The following LRIT1 variants were observed in gnomAD, a reference collection of about 807,000 sequenced individuals.
LRIT1 encodes leucine rich repeat, Ig-like and transmembrane domains 1, also known as leucine-rich repeat, immunoglobulin-like domain and transmembrane domain-containing protein 1.
Under a neutral mutation model 24.0 loss-of-function variants are expected in LRIT1, and 23 were observed. The observed-to-expected ratio is 0.96, with a 90% confidence interval of 0.69 to 1.36. The LOEUF is 1.36. Among genes scored for constraint, LRIT1 ranks in the 40% most tolerant of loss-of-function variants. LRIT1 has a pLI of 0.00. For synonymous variants in LRIT1, 361 were observed against 340.5 expected (o/e 1.06, Z -0.66); for missense variants, 846 against 806.3 (o/e 1.05, Z -0.60).
Position 84,241,339 on chromosome 10 carries a change from A to T in LRIT1, c.101T>A (p.Met34Lys), listed in dbSNP as rs147135125. The change falls in exon 1 of 4, where the codon ATG becomes AAG. Residue 34 changes from methionine to lysine, a missense_variant. Physicochemically the swap from Met to Lys is moderately conservative, Grantham distance 95. Transcript: ENST00000372105. ...PSQCSCSLHIMGDGSKARTVV... is the reference protein window; with the variant it reads ...PSQCSCSLHIKGDGSKARTVV... ...ATACCTGGCCTTGCTGCCATCACCC[A>T]TGATATGGAGGCTGCAGCTGCATTG... 10 of 1,613,760 alleles carry T rather than the reference A, an allele frequency of 6.2e-6. No homozygotes were observed. Among genetic ancestry groups the T allele is most frequent in the Non-Finnish European group, 8.5e-6 (10 of 1,179,894 alleles).
chr10:84,234,613 T>C (rs1333883464), intron 2 of LRIT1, among the ~76,000 whole-genome samples: 1 of 152,214 alleles, frequency 6.6e-6, no homozygotes, highest in Non-Finnish European at 1.5e-5. Flanking sequence ...AAATAAATCA[T>C]ATTAAGTACC....
Position 84,232,381 on chromosome 10 carries a change from C to T in LRIT1, c.1418G>A (p.Arg473Gln), listed in dbSNP as rs762407963. The T allele has an allele frequency of 1.9e-5, 31 of 1,613,924 alleles. No individual in the cohort carries two copies. Among genetic ancestry groups the T allele is most frequent in the South Asian group, 1.2e-4 (11 of 91,040 alleles). The change falls in exon 4 of 4, where the codon CGG (arginine) becomes CAG (glutamine). Residue 473 changes from arginine (R) to glutamine (Q), a missense_variant. Physicochemically the swap from Arg to Gln is conservative, Grantham distance 43 (BLOSUM62 1). Transcript: ENST00000372105. Reference protein sequence around the residue: ...YAVFGQHSMRRVIVQPGKTRV... With the variant: ...YAVFGQHSMRQVIVQPGKTRV... ...GGTCTTCCCAGGCTGCACAATCACC[C>T]GCCGCATGCTGTGCTGCCCAAAGAC...
At chr10:84,235,039 G>T (rs1842636707) in intron 2 of LRIT1, among the ~76,000 whole-genome samples, 1 of 151,924 alleles carries the variant, frequency 6.6e-6, no homozygotes, top group Non-Finnish European at 1.5e-5. Context: ...ATAAATGAGG[G>T]GTACTATGTG....
chr10:84,237,080 C>T (rs923221323), intron 2 of LRIT1, 140 bp downstream of exon 2: 6 of 709,160 alleles, frequency 8.5e-6, no homozygotes, highest in Non-Finnish European at 1.4e-5. Flanking sequence ...GATTGAGCTC[C>T]TAAACCCGCC....
At position 84,237,407 on chromosome 10, in the gene LRIT1, C is replaced by A. The variant is rs753007660; in HGVS notation, c.402G>T (p.Arg134=). 13 of 1,547,290 alleles carry A rather than the reference C, an allele frequency of 8.4e-6. No individual in the cohort carries two copies. In the East Asian group the frequency reaches 2.9e-4, roughly 35 times the overall value. The change falls in exon 2 of 4, where the codon CGG becomes CGT. Residue 134 remains arginine, a synonymous_variant. Transcript: ENST00000372105. ...WAALRDAPKL[R]LLDLQANRLS... ...GGCGGTTGGCCTGCAGGTCCAGCAG[C>A]CGCAGCTTGGGGGCGTCCCTGAGCG...
At chr10:84,237,838 C>A in intron 1 of LRIT1, 152 bp from the exon 2 acceptor site, 1 of 620,466 alleles carries the variant, frequency 1.6e-6, no homozygotes, top group Non-Finnish European at 2.8e-6. Flanking sequence ...GGAGAGGGGC[C>A]CGGAGTAAGC....
intron 3 of LRIT1, among the ~76,000 whole-genome samples, chr10:84,233,358 G>A (rs974666375): frequency 1.5e-4 from 23 of 149,972 alleles, no homozygotes; most frequent in African/African-American, 2.9e-4. Context: ...TTTTTTTTGC[G>A]ACAAGGTCTC....
intron 2 of LRIT1, among the ~76,000 whole-genome samples, chr10:84,235,516 TGACAA>T (rs1043523528): frequency 2.6e-5 from 4 of 152,238 alleles, no homozygotes; most frequent in Non-Finnish European, 5.9e-5. Flanking sequence ...CTTGCCAGAC[TGACAA>T]AAGTTAAACA....
chr10:84,231,898 C>CAGG lies in LRIT1; in HGVS notation c.*26_*28dup. The CAGG allele has an allele frequency of 5.7e-6, 9 of 1,574,998 alleles. No homozygotes were observed. Among genetic ancestry groups the CAGG allele is most frequent in the Non-Finnish European group, 7.8e-6 (9 of 1,159,784 alleles). The stretch of plus-strand genomic sequence containing the variant: ...GAGCTAAAGAAGGAGCGTGGGCAGG[C>CAGG]AGGTGTGTGAGTTGCGGAGGCATAT... On this transcript the variant is annotated 3_prime_UTR_variant, in exon 4 of 4. Coordinates refer to ENST00000372105, the MANE Select transcript of LRIT1 (RefSeq NM_015613.3).
chr10:84,232,183 A>G lies in LRIT1; in HGVS notation c.1616T>C (p.Ile539Thr). ...GACAAGCAGCGTGAGAGGCAGGGCA[A>G]TGACGATGGCCACACTGATCACCAC... ...NVVVISVAIV[I>T]ALPLTLLVCC... Residue 539 changes from isoleucine (I) to threonine (T), a missense_variant, in exon 4 of 4, where the codon ATT becomes ACT. By Grantham distance (89) the Ile-to-Thr change is moderately conservative (BLOSUM62 -1). Transcript: ENST00000372105. The G allele has an allele frequency of 6.2e-7, 1 of 1,614,218 alleles. No homozygotes were observed. Among genetic ancestry groups the G allele is most frequent in the Non-Finnish European group, 8.5e-7 (1 of 1,180,030 alleles).
Position 84,237,378 on chromosome 10 carries a change from G to T in LRIT1, c.431C>A (p.Ser144Ter). The T allele has an allele frequency of 5.2e-6, 8 of 1,549,248 alleles. No homozygotes were observed. The highest frequency in any genetic ancestry group is 7.0e-6 in the Non-Finnish European group (8 of 1,146,898). The change falls in exon 2 of 4, where the codon TCG (serine) becomes TAG (stop). Residue 144 changes from serine (S) to a stop codon, truncating the protein, a stop_gained. Coordinates refer to ENST00000372105, the MANE Select transcript of LRIT1 (RefSeq NM_015613.3). LOFTEE classifies it high-confidence loss of function. The part of the protein sequence containing the change: ...RLLDLQANRL[S>*]AVPAEAARFL... Reference sequence around the variant, plus strand: ...GCGCGCGGCCTCAGCGGGCACAGCCGAGAGGCGGTTGGCCTGCAGGTCCAG... The same window carrying T: ...GCGCGCGGCCTCAGCGGGCACAGCCTAGAGGCGGTTGGCCTGCAGGTCCAG...
At chr10:84,235,455 G>A (rs1842639981) in intron 2 of LRIT1, among the ~76,000 whole-genome samples, 1 of 152,174 alleles carries the variant, frequency 6.6e-6, no homozygotes, top group South Asian at 2.1e-4. Context: ...TCACAATAGG[G>A]CCAGAAAGAA....
At chr10:84,233,589 T>C (rs1002541576) in intron 3 of LRIT1, among the ~76,000 whole-genome samples, 3 of 152,178 alleles carry the variant, frequency 2.0e-5, no homozygotes, top group African/African-American at 2.4e-5. Context: ...AGCTTACTTA[T>C]ATGCAAAATA....
chr10:84,234,318 T>C lies in LRIT1; in HGVS notation c.650A>G (p.Asp217Gly), dbSNP rs1369959190. ...GAAGGCCAAGTTTGGGGCCCAGCCA[T>C]CCAAAAGATGAACCAGGTCATAGAG... ...CRLYDLVHLLDGWAPNLAFIE... is the reference protein window; with the variant it reads ...CRLYDLVHLLGGWAPNLAFIE... The change falls in exon 3 of 4, where the codon GAT (aspartate) becomes GGT (glycine). Residue 217 changes from aspartate to glycine, a missense_variant. Physicochemically the swap from Asp to Gly is moderately conservative, Grantham distance 94. Coordinates refer to ENST00000372105, the MANE Select transcript of LRIT1 (RefSeq NM_015613.3). The C allele has an allele frequency of 1.4e-5, 23 of 1,604,874 alleles. No homozygotes were observed. Among genetic ancestry groups the C allele is most frequent in the Non-Finnish European group, 1.9e-5 (22 of 1,174,930 alleles).
At chr10:84,238,725 A>T (rs1842671668) in intron 1 of LRIT1, among the ~76,000 whole-genome samples, 1 of 152,256 alleles carries the variant, frequency 6.6e-6, no homozygotes, top group Admixed American at 6.5e-5. Flanking sequence ...GGTATGGATC[A>T]CTGTCATCAA....
chr10:84,236,780 C>A (rs1420961047), intron 2 of LRIT1, among the ~76,000 whole-genome samples: 1 of 152,150 alleles, frequency 6.6e-6, no homozygotes, highest in African/African-American at 2.4e-5. Context: ...TGTATTTATT[C>A]ATGTATGAGT....
Position 84,232,841 on chromosome 10 carries a change from G to A in LRIT1, c.958C>T (p.His320Tyr), listed in dbSNP as rs1187386013. 6.2e-7 allele frequency: 1 copy of A among 1,613,298 alleles called. No individual in the cohort carries two copies. Among genetic ancestry groups the A allele is most frequent in the Non-Finnish European group, 8.5e-7 (1 of 1,180,032 alleles). ...CAGATGTAGTCTCCGGAGTCAAGGT[G>A]GGACACTGCAGGCAGGCCCAGCAGA... The part of the protein sequence containing the change: ...WTLLGLPAVS[H>Y]LDSGDYICQA... Residue 320 changes from histidine to tyrosine, a missense_variant, in exon 4 of 4, where the codon CAC becomes TAC. By Grantham distance (83) the His-to-Tyr change is moderately conservative (BLOSUM62 2). Transcript: ENST00000372105.
rs750253759 is a variant in LRIT1 at position 84,234,261 on chromosome 10, C to T, written c.707G>A (p.Arg236His). 2.1e-5 allele frequency: 34 copies of T among 1,613,730 alleles called. No homozygotes were observed. Among genetic ancestry groups the T allele is most frequent in the South Asian group, 3.3e-5 (3 of 91,064 alleles). The change falls in exon 3 of 4, where the codon CGT becomes CAT. Residue 236 changes from arginine (R) to histidine (H), a missense_variant. Arg to His is a conservative substitution (Grantham distance 29). Coordinates refer to ENST00000372105, the MANE Select transcript of LRIT1 (RefSeq NM_015613.3). ...GCTGAAGGCCACTCCGGCCAGGCTACGTGGGCTGGCACATCTCAGTTCAGT... is the reference window on the plus strand; with the variant it reads ...GCTGAAGGCCACTCCGGCCAGGCTATGTGGGCTGGCACATCTCAGTTCAGT... The part of the protein sequence containing the change: ...IETELRCASP[R>H]SLAGVAFSQL...
chr10:84,234,232 G>A lies in LRIT1; in HGVS notation c.736C>T (p.Leu246Phe). ...GGGCCCTGGCACTTCCTCAGTTCAA[G>A]CTGGCTGAAGGCCACTCCGGCCAGG... ...RSLAGVAFSQLELRKCQGPEL... is the reference protein window; with the variant it reads ...RSLAGVAFSQFELRKCQGPEL... Residue 246 changes from leucine to phenylalanine, a missense_variant, in exon 3 of 4, where the codon CTT becomes TTT. Transcript: ENST00000372105. The A allele has an allele frequency of 6.2e-7, 1 of 1,614,030 alleles. No individual in the cohort carries two copies. The highest frequency in any genetic ancestry group is 8.5e-7 in the Non-Finnish European group (1 of 1,179,998).
Sources: allele counts gnomAD v4.1 joint callset (sites outside exome capture counted in the v4.1 genomes callset), GRCh38; gene constraint gnomAD v4.1.1; transcripts MANE v1.5; gene names NCBI Gene and HGNC (gene_info 2026-07-23, HGNC 2026-07-21).